The following MREG variants were observed in gnomAD, a reference collection of about 807,000 sequenced individuals.
MREG encodes dilute suppressor protein homolog.
In MREG, 31 loss-of-function variants were observed where a neutral mutation model predicts 28.5. The ratio of observed to expected loss-of-function variants is 1.09; its 90% confidence interval spans 0.82 to 1.47. The LOEUF (loss-of-function observed/expected upper bound fraction) is 1.47. MREG is among the 40% of genes most tolerant of loss of function. The probability of loss-of-function intolerance (pLI) is 0.00; values close to 1 mark genes in which losing one functional copy is unlikely to be tolerated. For synonymous variants in MREG, 106 were observed against 95.2 expected (o/e 1.11, Z -0.66); for missense variants, 256 against 257.4 (o/e 0.99, Z 0.04).
At chr2:215,980,848 G>A (rs1693407484) in intron 2 of MREG, among the ~76,000 whole-genome samples, 1 of 149,906 alleles carries the variant, frequency 6.7e-6, no homozygotes, top group African/African-American at 2.5e-5. Context: ...CAGAGAGGAG[G>A]GGAGGGGAGG....
intron 3 of MREG, among the ~76,000 whole-genome samples, 168 bp from the exon 4 acceptor site, chr2:215,945,902 C>T (rs1487777604): frequency 1.3e-5 from 2 of 152,190 alleles, no homozygotes; most frequent in African/African-American, 4.8e-5. Context: ...CCTCCCAGAT[C>T]CATGTGATTG....
intron 2 of MREG, among the ~76,000 whole-genome samples, chr2:215,964,650 T>C (rs1196145313): frequency 6.6e-6 from 1 of 152,186 alleles, no homozygotes; most frequent in Non-Finnish European, 1.5e-5. Context: ...CCAAATTATC[T>C]ATCAAAAATA....
chr2:215,994,004 C>T (rs1452328810), intron 2 of MREG, among the ~76,000 whole-genome samples: 5 of 149,988 alleles, frequency 3.3e-5, no homozygotes, highest in Admixed American at 1.3e-4. Context: ...GACAGTGTGG[C>T]GATTCCTCAA....
chr2:216,032,322 C>T (rs984081489), intron 1 of MREG, among the ~76,000 whole-genome samples: 7 of 152,198 alleles, frequency 4.6e-5, no homozygotes, highest in African/African-American at 7.2e-5. Context: ...TTTTACTTTG[C>T]TGATTTGTTT....
rs956386253 is a variant in MREG at position 215,944,747 on chromosome 2, T to A, written c.*116A>T. ...CTTTACATTTATGTAGAATTCAGTA[T>A]CATTTTTCACTAAGCAAACTCTATT... is the stretch of plus-strand genomic sequence containing the variant. On this transcript the variant is annotated 3_prime_UTR_variant, in exon 5 of 5. Coordinates refer to ENST00000263268, the MANE Select transcript of MREG (RefSeq NM_018000.3). The A allele has an allele frequency of 2.7e-6, 3 of 1,091,006 alleles. No individual in the cohort carries two copies. Among genetic ancestry groups the A allele is most frequent in the Admixed American group, 5.3e-5 (2 of 37,470 alleles). 67.6% of individuals were successfully genotyped at this position (1,091,006 alleles called of 1,614,324 possible).
chr2:215,974,874 T>C (rs1006910827), intron 2 of MREG, among the ~76,000 whole-genome samples: 1 of 148,408 alleles, frequency 6.7e-6, no homozygotes, highest in Non-Finnish European at 1.5e-5. Context: ...TCTCTCTCTC[T>C]CCCTCTCTCC....
chr2:216,020,631 A>C (rs1334767489), intron 1 of MREG, among the ~76,000 whole-genome samples: 2 of 152,248 alleles, frequency 1.3e-5, no homozygotes. Context: ...TGTCATTTCC[A>C]AAGGAAAATC....
intron 4 of MREG, 83 bp downstream of exon 4, chr2:215,945,488 G>T: frequency 6.7e-7 from 1 of 1,485,608 alleles, no homozygotes; most frequent in Non-Finnish European, 9.1e-7. Flanking sequence ...TGGTGGTGTT[G>T]GAATACGGAG....
At chr2:215,939,659 G>A (rs1692173020), downstream of MREG, 1 of 152,132 alleles carries the variant, frequency 6.6e-6, no homozygotes, top group Non-Finnish European at 1.5e-5. Flanking sequence ...TCCTAAAAAA[G>A]GTGATGGAAA....
intron 2 of MREG, among the ~76,000 whole-genome samples, chr2:215,970,278 C>A (rs1254451017): frequency 6.6e-6 from 1 of 152,102 alleles, no homozygotes; most frequent in Non-Finnish European, 1.5e-5. Context: ...GGATGGGGGC[C>A]TGGAGAACAT....
At chr2:216,033,164 G>GTATC (rs1479052008), upstream of MREG, among the ~76,000 whole-genome samples, 1 of 152,068 alleles carries the variant, frequency 6.6e-6, no homozygotes, top group African/African-American at 2.4e-5. Context: ...AATGTATAAT[G>GTATC]TATCTGCCAC....
chr2:215,941,285 AGG>A (rs1692194199), downstream of MREG, among the ~76,000 whole-genome samples: 1 of 152,208 alleles, frequency 6.6e-6, no homozygotes, highest in Non-Finnish European at 1.5e-5. Flanking sequence ...GAGTCTAAGT[AGG>A]GGGATGATTA....
intron 2 of MREG, among the ~76,000 whole-genome samples, chr2:215,952,568 T>C (rs1047890791): frequency 6.6e-6 from 1 of 152,084 alleles, no homozygotes; most frequent in Non-Finnish European, 1.5e-5. Context: ...TTATTTCTTA[T>C]AAAAAAGGGG....
At chr2:215,957,786 C>T (rs370537804) in intron 2 of MREG, among the ~76,000 whole-genome samples, 4 of 152,064 alleles carry the variant, frequency 2.6e-5, no homozygotes, top group Non-Finnish European at 4.4e-5. Context: ...CAGCGTGCCC[C>T]CTTCTTCCCC....
At chr2:215,941,279 C>A (rs1301055926), downstream of MREG, among the ~76,000 whole-genome samples, 1 of 152,154 alleles carries the variant, frequency 6.6e-6, no homozygotes, top group African/African-American at 2.4e-5. Flanking sequence ...GACAGGGAGT[C>A]TAAGTAGGGG....
intron 2 of MREG, among the ~76,000 whole-genome samples, chr2:215,965,505 T>C (rs938594834): frequency 2.0e-5 from 3 of 152,120 alleles, no homozygotes; most frequent in African/African-American, 4.8e-5. Flanking sequence ...GAGAAGAAAT[T>C]AGAAAGTTAA....
At chr2:216,012,585 G>A (rs1694342303) in intron 1 of MREG, among the ~76,000 whole-genome samples, 1 of 152,164 alleles carries the variant, frequency 6.6e-6, no homozygotes, top group Admixed American at 6.5e-5. Flanking sequence ...GAAAATGATT[G>A]CTTAAAATCA....
rs1692251586 is a variant in MREG at position 215,943,981 on chromosome 2, T to TC, written c.*881_*882insG. ...ATGAATACATAACTCTTTTTTTTTT[T>TC]TTTTTTTTTTTTTTTTGAGACGGAG... is the stretch of plus-strand genomic sequence containing the variant. On this transcript the variant is annotated 3_prime_UTR_variant, in exon 5 of 5. Transcript: ENST00000263268. 9.2e-6 allele frequency: 1 copy of TC among 108,914 alleles called. No homozygotes were observed. Among genetic ancestry groups the TC allele is most frequent in the Admixed American group, 8.7e-5 (1 of 11,466 alleles). The allele number at this position is 108,914 out of a possible 1,614,324, so 6.7% of individuals were successfully genotyped here. A position where few individuals can be genotyped will look rare whatever the true frequency, so the allele number is the denominator to read the frequency against.
chr2:215,972,514 T>C (rs1693128987), intron 2 of MREG, among the ~76,000 whole-genome samples: 1 of 151,496 alleles, frequency 6.6e-6, no homozygotes, highest in Non-Finnish European at 1.5e-5. Context: ...CTGGTGGTGC[T>C]TGCCTGTAAT....
Sources: allele counts gnomAD v4.1 joint callset (sites outside exome capture counted in the v4.1 genomes callset), GRCh38; gene constraint gnomAD v4.1.1; transcripts MANE v1.5; gene names NCBI Gene and HGNC (gene_info 2026-07-23, HGNC 2026-07-21).